MARCHF1: variants seen among roughly 807,000 people sequenced by gnomAD.
MARCHF1 encodes E3 ubiquitin-protein ligase MARCHF1.
Under a neutral mutation model 54.2 loss-of-function variants are expected in MARCHF1, and 40 were observed. That is an observed-to-expected ratio of 0.74 (90% CI 0.57 to 0.96). The LOEUF (loss-of-function observed/expected upper bound fraction) is 0.96. Among genes scored for constraint, MARCHF1 ranks in the 40% least tolerant of loss-of-function variants. The pLI is 0.00. For missense variants in MARCHF1, 586 were observed against 656.5 expected, an observed-to-expected ratio of 0.89 and a Z score of 1.17; for synonymous variants, 236 against 236.3, an observed-to-expected ratio of 1.00 and a Z score of 0.01.
At chr4:164,328,037 A>G (rs377036173) in intron 1 of MARCHF1, among the ~76,000 whole-genome samples, 15 of 152,334 alleles carry the variant, frequency 9.8e-5, no homozygotes, top group East Asian at 1.9e-4. Context: ...AACCTGGGCT[A>G]TATATTATCC....
intron 3 of MARCHF1, among the ~76,000 whole-genome samples, chr4:163,945,894 C>T (rs1036334407): frequency 8.5e-5 from 13 of 152,140 alleles, no homozygotes; most frequent in African/African-American, 3.1e-4. Flanking sequence ...CCGAGTCACC[C>T]TTCTAATGCT....
At chr4:163,896,059 A>G (rs188037186) in intron 3 of MARCHF1, among the ~76,000 whole-genome samples, 7 of 152,318 alleles carry the variant, frequency 4.6e-5, no homozygotes, top group Admixed American at 4.6e-4. Flanking sequence ...CAATAATAAA[A>G]TACCATGCGT....
chr4:163,852,013 T>C (rs1211476241), intron 4 of MARCHF1, among the ~76,000 whole-genome samples: 1 of 152,218 alleles, frequency 6.6e-6, no homozygotes, highest in Non-Finnish European at 1.5e-5. Context: ...TGTATAGAGG[T>C]TATCCCTGTA....
At chr4:164,184,146 C>T (rs188977085) in intron 1 of MARCHF1, among the ~76,000 whole-genome samples, 1 of 152,184 alleles carries the variant, frequency 6.6e-6, no homozygotes. Context: ...ACAACAGTGG[C>T]AGAAACTCAT....
chr4:163,625,626 T>C (rs981692185), intron 5 of MARCHF1, among the ~76,000 whole-genome samples: 1 of 152,194 alleles, frequency 6.6e-6, no homozygotes, highest in Admixed American at 6.5e-5. Flanking sequence ...TTCTCCTCTG[T>C]GGAAGTGGCA....
chr4:164,263,735 C>T (rs376538953), intron 1 of MARCHF1, among the ~76,000 whole-genome samples: 10 of 152,262 alleles, frequency 6.6e-5, no homozygotes, highest in East Asian at 1.9e-4. Flanking sequence ...CCAACAAACA[C>T]ACACAAAAAA....
intron 2 of MARCHF1, among the ~76,000 whole-genome samples, chr4:164,053,584 G>A (rs931200696): frequency 7.2e-5 from 11 of 152,126 alleles, no homozygotes; most frequent in African/African-American, 2.6e-4. Context: ...ACCTGAATTA[G>A]CCCTATTTCA....
At position 164,113,148 on chromosome 4, in the gene MARCHF1, A is replaced by C. The variant is rs1286435237; in HGVS notation, c.-322-1486T>G. Among the ~76,000 whole-genome samples the C allele has an allele frequency of 2.0e-5, 3 of 152,036 alleles. No individual in the cohort carries two copies. In the South Asian group the frequency reaches 6.2e-4, roughly 32 times the overall value. ...CTATTTCAATGGACTTTATTTTCAC[A>C]TATTATGTAGTTTAATGAAATTGGT... is the stretch of plus-strand genomic sequence containing the variant. On this transcript the variant is annotated intron_variant, in intron 1 of 9. Coordinates refer to ENST00000514618, the MANE Select transcript of MARCHF1 (RefSeq NM_001394959.1).
intron 1 of MARCHF1, among the ~76,000 whole-genome samples, chr4:164,213,605 T>C (rs1731842449): frequency 6.6e-6 from 1 of 152,046 alleles, no homozygotes; most frequent in African/African-American, 2.4e-5. Context: ...ATTAATAAGA[T>C]AGGTATATGC....
chr4:164,026,553 A>G (rs1296939891), intron 2 of MARCHF1, among the ~76,000 whole-genome samples: 1 of 152,106 alleles, frequency 6.6e-6, no homozygotes, highest in African/African-American at 2.4e-5. Flanking sequence ...TCATCATAAA[A>G]ACCCTCAGCA....
intron 4 of MARCHF1, among the ~76,000 whole-genome samples, chr4:163,708,660 A>G (rs1438101056): frequency 1.3e-5 from 2 of 152,162 alleles, no homozygotes; most frequent in Non-Finnish European, 2.9e-5. Flanking sequence ...GTAAGTATAT[A>G]TGCATGCACA....
intron 8 of MARCHF1, among the ~76,000 whole-genome samples, chr4:163,567,810 C>T (rs755163919): frequency 1.8e-4 from 28 of 151,982 alleles, no homozygotes; most frequent in Admixed American, 7.9e-4. Flanking sequence ...GACTAATACA[C>T]AAGACTTGAT....
intron 3 of MARCHF1, among the ~76,000 whole-genome samples, chr4:163,935,050 C>T (rs746414916): frequency 2.7e-4 from 41 of 152,224 alleles, no homozygotes; most frequent in African/African-American, 6.5e-4. Flanking sequence ...ACAACAGAAT[C>T]GGTGTTGTGT....
chr4:163,921,616 T>C (rs1380524255), intron 3 of MARCHF1, among the ~76,000 whole-genome samples: 2 of 139,554 alleles, frequency 1.4e-5, no homozygotes, highest in Admixed American at 6.9e-5. Context: ...GTTGGTTATA[T>C]ATTTTTTTCT....
rs1230221196 is a variant in MARCHF1 at position 163,889,926 on chromosome 4, C to CT, written c.-38-35758dup. On this transcript the variant is annotated intron_variant, in intron 3 of 9. Transcript: ENST00000514618. ...ACTTCGTTTATTTATTTTCTTTTTT[C>CT]TTTTTTTTTTTTTTTTGAGATGGAA... 3.0e-3 allele frequency among the ~76,000 whole-genome samples: 152 copies of CT among 50,862 alleles called. 1 individual carries two copies. Among genetic ancestry groups the CT allele is most frequent in the African/African-American group, 9.2e-3 (148 of 16,096 alleles). 33.4% of individuals were successfully genotyped at this position (50,862 alleles called of 152,430 possible). A position where few individuals can be genotyped will look rare whatever the true frequency, so the allele number is the denominator to read the frequency against.
At chr4:163,566,560 TTC>T (rs1739651558) in intron 8 of MARCHF1, among the ~76,000 whole-genome samples, 1 of 152,172 alleles carries the variant, frequency 6.6e-6, no homozygotes. Flanking sequence ...GGCATTTATT[TTC>T]TTTCTCCTGG....
intron 5 of MARCHF1, among the ~76,000 whole-genome samples, chr4:163,691,277 C>A (rs983141914): frequency 2.0e-5 from 3 of 152,124 alleles, no homozygotes; most frequent in Admixed American, 1.3e-4. Flanking sequence ...AAGGTGAATC[C>A]CTGGGTTAGA....
intron 4 of MARCHF1, among the ~76,000 whole-genome samples, chr4:163,845,173 T>C (rs1749448308): frequency 6.6e-6 from 1 of 152,134 alleles, no homozygotes. Context: ...TATTAATTAT[T>C]GTGCCTTGAT....
At chr4:164,101,110 C>A (rs574535328) in intron 2 of MARCHF1, among the ~76,000 whole-genome samples, 8 of 152,336 alleles carry the variant, frequency 5.3e-5, no homozygotes, top group African/African-American at 1.9e-4. Flanking sequence ...TCGGAGGGTC[C>A]TACGCCCACG....
Sources: gnomAD v4.1 joint callset for allele counts (sites outside exome capture counted in the v4.1 genomes callset) on GRCh38, gnomAD v4.1.1 for gene constraint, MANE v1.5 for transcripts, NCBI Gene and HGNC (gene_info 2026-07-23, HGNC 2026-07-21) for gene names.